Variants in BCAS1 observed in about 807,000 individuals in gnomAD.
The protein encoded by BCAS1 is breast carcinoma-amplified sequence 1.
In BCAS1, 46 loss-of-function variants were observed where a neutral mutation model predicts 65.4. The observed-to-expected ratio is 0.70, with a 90% CI of 0.55 to 0.90. The LOEUF is 0.90. Among genes scored for constraint, BCAS1 ranks in the 40% least tolerant of loss-of-function variants. The probability of loss-of-function intolerance (pLI) is 0.00; values close to 1 mark genes in which losing one functional copy is unlikely to be tolerated. For synonymous variants in BCAS1, 298 were observed against 293.5 expected, an observed-to-expected ratio of 1.02 and a Z score of -0.16; for missense variants, 793 against 771.2, an observed-to-expected ratio of 1.03 and a Z score of -0.33.
intron 8 of BCAS1, among the ~76,000 whole-genome samples, chr20:53,978,607 G>T (rs1023408276): frequency 2.6e-5 from 4 of 152,186 alleles, no homozygotes; most frequent in Non-Finnish European, 5.9e-5. Flanking sequence ...CTATGTAAAG[G>T]ATTAAATGCT....
At chr20:53,972,459 T>C (rs2090204682) in intron 9 of BCAS1, among the ~76,000 whole-genome samples, 1 of 152,228 alleles carries the variant, frequency 6.6e-6, no homozygotes, top group Non-Finnish European at 1.5e-5. Context: ...GGCAAACTTT[T>C]CCTGCAAAGT....
chr20:53,998,272 G>A (rs184436172), intron 4 of BCAS1, among the ~76,000 whole-genome samples: 2 of 152,080 alleles, frequency 1.3e-5, no homozygotes, highest in African/African-American at 4.8e-5. Flanking sequence ...ATGGACGATT[G>A]TATTGGGCCA....
At chr20:54,048,071 C>T (rs1003104212) in intron 3 of BCAS1, among the ~76,000 whole-genome samples, 1 of 152,094 alleles carries the variant, frequency 6.6e-6, no homozygotes, top group Admixed American at 6.5e-5. Context: ...CGCCTCCAGA[C>T]CCTATTCCCC....
intron 9 of BCAS1, among the ~76,000 whole-genome samples, chr20:53,973,873 C>G (rs1180721882): frequency 6.6e-6 from 1 of 152,222 alleles, no homozygotes; most frequent in East Asian, 1.9e-4. Flanking sequence ...GTGAAGCCAG[C>G]TGGATGTCCT....
intron 3 of BCAS1, among the ~76,000 whole-genome samples, chr20:54,043,464 T>C (rs577875721): frequency 3.5e-4 from 53 of 152,324 alleles, no homozygotes; most frequent in African/African-American, 1.2e-3. Flanking sequence ...TTTTTTTGAA[T>C]TGGGAAATTT....
chr20:54,000,108 C>T (rs917800466), intron 4 of BCAS1, among the ~76,000 whole-genome samples: 3 of 152,328 alleles, frequency 2.0e-5, no homozygotes, highest in Admixed American at 1.3e-4. Context: ...ATATCTGATG[C>T]TGCTAATTGC....
At chr20:54,023,150 T>C (rs1222952097) in intron 4 of BCAS1, among the ~76,000 whole-genome samples, 4 of 152,258 alleles carry the variant, frequency 2.6e-5, no homozygotes, top group African/African-American at 9.6e-5. Flanking sequence ...TTTTTATTTG[T>C]TTTTATTTTT....
intron 8 of BCAS1, among the ~76,000 whole-genome samples, chr20:53,983,138 A>C (rs1354885200): frequency 6.6e-6 from 1 of 152,210 alleles, no homozygotes; most frequent in African/African-American, 2.4e-5. Context: ...TCAAAGAAGA[A>C]CCACTGTATC....
chr20:54,067,425 C>T (rs2092458160), intron 1 of BCAS1, among the ~76,000 whole-genome samples: 1 of 152,198 alleles, frequency 6.6e-6, no homozygotes, highest in Non-Finnish European at 1.5e-5. Flanking sequence ...ATTGAAGGGT[C>T]ACTGATAATC....
At chr20:54,059,257 CAT>C (rs1434927823) in intron 1 of BCAS1, among the ~76,000 whole-genome samples, 1 of 152,142 alleles carries the variant, frequency 6.6e-6, no homozygotes, top group Non-Finnish European at 1.5e-5. Context: ...ATTTTGGACT[CAT>C]GTATTCAACA....
chr20:53,977,942 GGTTA>G (rs2090376663), intron 8 of BCAS1, among the ~76,000 whole-genome samples: 1 of 151,526 alleles, frequency 6.6e-6, no homozygotes, highest in Non-Finnish European at 1.5e-5. Flanking sequence ...ACAATGTGCA[GGTTA>G]GTTACATATG....
At chr20:54,018,269 A>G (rs2091481133) in intron 4 of BCAS1, among the ~76,000 whole-genome samples, 1 of 152,100 alleles carries the variant, frequency 6.6e-6, no homozygotes, top group South Asian at 2.1e-4. Context: ...TCTTTTTTAA[A>G]TTGTTGGTCT....
intron 8 of BCAS1, among the ~76,000 whole-genome samples, chr20:53,978,488 T>G (rs2090394620): frequency 6.6e-6 from 1 of 152,218 alleles, no homozygotes; most frequent in African/African-American, 2.4e-5. Flanking sequence ...GTTCTAATTG[T>G]TTTTAAGTCT....
chr20:54,041,095 T>C (rs1320959244), intron 3 of BCAS1, among the ~76,000 whole-genome samples: 3 of 151,410 alleles, frequency 2.0e-5, no homozygotes, highest in African/African-American at 4.8e-5. Context: ...AAATATTGTA[T>C]GATTCCATTT....
In BCAS1 at chr20:54,058,767, CA is replaced by C. The variant is rs752587790; in HGVS notation, c.-5-45del. 2.5e-6 allele frequency: 4 copies of C among 1,600,962 alleles called. No homozygotes were observed. In the Admixed American group the frequency reaches 5.1e-5, roughly 21 times the overall value. ...GAGGAAGAGAGAAAGAAATCAAAACCAAACGAAGCTACATGTGCTACTAAGG... is the reference window on the plus strand; with the variant it reads ...GAGGAAGAGAGAAAGAAATCAAAACCAACGAAGCTACATGTGCTACTAAGG... On this transcript the variant is annotated intron_variant, in intron 1 of 12. Coordinates refer to ENST00000688948, the MANE Select transcript of BCAS1 (RefSeq NM_001366298.2).
intron 3 of BCAS1, among the ~76,000 whole-genome samples, chr20:54,055,390 G>A (rs2092282292): frequency 6.6e-6 from 1 of 152,120 alleles, no homozygotes; most frequent in Admixed American, 6.5e-5. Context: ...GGAGGTGAAA[G>A]GTACTTCTTA....
At chr20:53,959,700 C>T (rs2089816335) in intron 10 of BCAS1, among the ~76,000 whole-genome samples, 1 of 152,170 alleles carries the variant, frequency 6.6e-6, no homozygotes, top group African/African-American at 2.4e-5. Context: ...TTTTAATATA[C>T]TGCTTAGTGT....
At chr20:54,032,285 G>A (rs540845478) in intron 3 of BCAS1, among the ~76,000 whole-genome samples, 1 of 151,322 alleles carries the variant, frequency 6.6e-6, no homozygotes, top group African/African-American at 2.4e-5. Context: ...AAATGCTAAG[G>A]GAATTTGTGA....
chr20:54,015,072 G>A (rs457900), intron 4 of BCAS1, among the ~76,000 whole-genome samples: 10,456 of 146,600 alleles, frequency 0.071, 624 homozygotes, highest in East Asian at 0.32. Context: ...TTGAGATGTT[G>A]CCCAGGCTGG....
Sources: gnomAD v4.1 joint callset for allele counts (sites outside exome capture counted in the v4.1 genomes callset) on GRCh38, gnomAD v4.1.1 for gene constraint, MANE v1.5 for transcripts, NCBI Gene and HGNC (gene_info 2026-07-23, HGNC 2026-07-21) for gene names.